PCDHGA7: variants seen among roughly 807,000 people sequenced by gnomAD.
PCDHGA7 encodes the protein protocadherin gamma subfamily A, 7.
PCDHGA7 carries 44 observed loss-of-function variants against 58.3 expected under a neutral mutation model. The observed-to-expected ratio is 0.75, with a 90% confidence interval of 0.59 to 0.97. PCDHGA7 has a LOEUF of 0.97. Among genes scored for constraint, PCDHGA7 ranks in the 50% least tolerant of loss-of-function variants. The pLI, the probability that PCDHGA7 is intolerant of heterozygous loss-of-function variation, is 0.00. For synonymous variants in PCDHGA7, 516 were observed against 504.2 expected, an observed-to-expected ratio of 1.02 and a Z score of -0.31; for missense variants, 1,266 against 1,188.7, an observed-to-expected ratio of 1.06 and a Z score of -0.96.
intron 1 of PCDHGA7, chr5:141,411,384 A>G (rs1280664726): frequency 6.6e-6 from 1 of 152,092 alleles, no homozygotes; most frequent in Non-Finnish European, 1.5e-5. Context: ...AGCCTGGGCA[A>G]TATAGGGAGA....
intron 1 of PCDHGA7, chr5:141,404,627 G>GC (rs2094548617): frequency 6.2e-7 from 1 of 1,614,026 alleles, no homozygotes; most frequent in Non-Finnish European, 8.5e-7. Flanking sequence ...GAATGACAAT[G>GC]CCCCAGAAAT....
At chr5:141,480,649 C>A (rs2099522804) in intron 1 of PCDHGA7, among the ~76,000 whole-genome samples, 1 of 152,184 alleles carries the variant, frequency 6.6e-6, no homozygotes, top group Non-Finnish European at 1.5e-5. Flanking sequence ...AACTTGGTTG[C>A]ACATTAAAAT....
intron 1 of PCDHGA7, chr5:141,391,341 C>G (rs2092360139): frequency 6.9e-6 from 1 of 145,086 alleles, no homozygotes. Flanking sequence ...GAGACAGAGT[C>G]TCTGTCTGTT....
At chr5:141,422,762 C>T in intron 1 of PCDHGA7, 1 of 1,613,392 alleles carries the variant, frequency 6.2e-7, no homozygotes. Flanking sequence ...AACTCCAACA[C>T]TGGTGTTCTC....
intron 1 of PCDHGA7, chr5:141,411,158 A>T (rs1384845652): frequency 6.6e-6 from 1 of 152,212 alleles, no homozygotes; most frequent in Admixed American, 6.5e-5. Context: ...TCAAGTTCTG[A>T]CTATCGAACA....
chr5:141,486,409 C>G lies in PCDHGA7; in HGVS notation c.2425-8398C>G, dbSNP rs1396288134. On this transcript the variant is annotated intron_variant, in intron 1 of 3. Coordinates refer to ENST00000518325, the MANE Select transcript of PCDHGA7 (RefSeq NM_018920.4). The surrounding 1 kb of genome is among the most constrained non-coding windows in gnomAD (Gnocchi z 5.0). Reference sequence around the variant, plus strand: ...AGTTCTCCCTGGTGACTGCTGGACCCTTGGATCGAGAGGCCAAATCTAGCT... The same window carrying G: ...AGTTCTCCCTGGTGACTGCTGGACCGTTGGATCGAGAGGCCAAATCTAGCT... 6.2e-7 allele frequency: 1 copy of G among 1,614,170 alleles called. No individual in the cohort carries two copies. Among genetic ancestry groups the G allele is most frequent in the East Asian group, 2.2e-5 (1 of 44,874 alleles).
Position 141,410,164 on chromosome 5 carries a change from C to T in PCDHGA7, c.2424+24841C>T, listed in dbSNP as rs756470415. The T allele has an allele frequency of 4.4e-5, 71 of 1,613,642 alleles. No homozygotes were observed. The highest frequency in any genetic ancestry group is 5.8e-5 in the Non-Finnish European group (69 of 1,179,812). On this transcript the variant is annotated intron_variant, in intron 1 of 3. Transcript: ENST00000518325. ...TGCGTGACGGTGGACAGCCGCCACTCTCTGCCACCGCCACGCTTCATCTGG... is the reference window on the plus strand; with the variant it reads ...TGCGTGACGGTGGACAGCCGCCACTTTCTGCCACCGCCACGCTTCATCTGG...
Position 141,384,623 on chromosome 5 carries a change from T to C in PCDHGA7, c.1724T>C (p.Met575Thr), listed in dbSNP as rs906239388. ...CTCCCCACAGATGGTTCTACTGGCA[T>C]GGAGCTGGCACCCCGCTCCGCAGAG... is the stretch of plus-strand genomic sequence containing the variant. ...PALPTDGSTG[M>T]ELAPRSAEPG... Residue 575 changes from methionine (M) to threonine (T), a missense_variant, in exon 1 of 4, where the codon ATG becomes ACG. Met to Thr is a moderately conservative substitution (Grantham distance 81). Coordinates refer to ENST00000518325, the MANE Select transcript of PCDHGA7 (RefSeq NM_018920.4). 7 of 1,614,092 alleles carry C rather than the reference T, an allele frequency of 4.3e-6. No homozygotes were observed. Among genetic ancestry groups the C allele is most frequent in the African/African-American group, 1.3e-5 (1 of 74,932 alleles).
chr5:141,501,831 C>G (rs1246452764), intron 2 of PCDHGA7, among the ~76,000 whole-genome samples: 1 of 152,176 alleles, frequency 6.6e-6, no homozygotes, highest in African/African-American at 2.4e-5. Context: ...GCCCACCCAC[C>G]TGTTTGGCCC....
At chr5:141,466,689 A>G (rs2099127361) in intron 1 of PCDHGA7, among the ~76,000 whole-genome samples, 1 of 152,220 alleles carries the variant, frequency 6.6e-6, no homozygotes, top group Admixed American at 6.5e-5. Context: ...CTCAAGCTTC[A>G]TCATAAATTT....
At chr5:141,456,984 C>T (rs374156327) in intron 1 of PCDHGA7, among the ~76,000 whole-genome samples, 1 of 152,082 alleles carries the variant, frequency 6.6e-6, no homozygotes, top group Admixed American at 6.6e-5. Flanking sequence ...AACAAACAAA[C>T]AAACAAAAAC....
At chr5:141,399,494 G>T in intron 1 of PCDHGA7, 1 of 1,614,032 alleles carries the variant, frequency 6.2e-7, no homozygotes, top group Non-Finnish European at 8.5e-7. Flanking sequence ...TACTTAGTCA[G>T]TGTACCCGAA....
intron 1 of PCDHGA7, chr5:141,423,956 A>G: frequency 1.7e-6 from 2 of 1,182,724 alleles, no homozygotes; most frequent in Non-Finnish European, 2.1e-6. Flanking sequence ...TTTTAGTATT[A>G]TTTTTCTATT....
intron 1 of PCDHGA7, among the ~76,000 whole-genome samples, chr5:141,449,310 A>G (rs1006876700): frequency 4.6e-5 from 7 of 152,112 alleles, no homozygotes; most frequent in Non-Finnish European, 7.4e-5. Context: ...TATGTATTAT[A>G]TAATTGTATC....
chr5:141,455,314 T>G (rs565911988), intron 1 of PCDHGA7, among the ~76,000 whole-genome samples: 15 of 152,208 alleles, frequency 9.9e-5, no homozygotes, highest in African/African-American at 3.4e-4. Flanking sequence ...ATTAGCAATT[T>G]TGTGTGTGTG....
intron 1 of PCDHGA7, chr5:141,387,968 G>C (rs1169859236): frequency 6.7e-7 from 1 of 1,489,402 alleles, no homozygotes; most frequent in Non-Finnish European, 9.0e-7. Context: ...TCTGCCCGGC[G>C]CTCTGTGAGC....
intron 1 of PCDHGA7, chr5:141,422,676 A>G (rs1245488589): frequency 1.2e-6 from 2 of 1,606,500 alleles, no homozygotes; most frequent in East Asian, 4.5e-5. Flanking sequence ...CGGACAGCAA[A>G]CAGAATGCCC....
At chr5:141,403,344 C>T (rs1307550469) in intron 1 of PCDHGA7, 10 of 1,613,916 alleles carry the variant, frequency 6.2e-6, no homozygotes, top group Non-Finnish European at 8.5e-6. Context: ...GACAGCGCCC[C>T]AAAGTTCCAG....
At chr5:141,415,306 T>G (rs2095852502) in intron 1 of PCDHGA7, 2 of 1,614,222 alleles carry the variant, frequency 1.2e-6, no homozygotes, top group Non-Finnish European at 8.5e-7. Context: ...CTTCCTGGCC[T>G]TCGTCATCGT....
Sources: gnomAD v4.1 joint callset for allele counts (sites outside exome capture counted in the v4.1 genomes callset) on GRCh38, gnomAD v4.1.1 for gene constraint, Gnocchi (gnomAD v3.1) non-coding constraint, MANE v1.5 for transcripts, NCBI Gene and HGNC (gene_info 2026-07-23, HGNC 2026-07-21) for gene names.